Variants in EXTL2 observed in about 807,000 individuals in gnomAD.
EXTL2 encodes exostosin like glycosyltransferase 2, also known as exostosin-like 2.
EXTL2 carries 23 observed loss-of-function variants against 30.7 expected under a neutral mutation model. The ratio of observed to expected loss-of-function variants is 0.75; its 90% CI spans 0.54 to 1.06. The LOEUF is 1.06. EXTL2 is among the 50% of genes least tolerant of loss of function. EXTL2 has a pLI of 0.00. For missense variants in EXTL2, 352 were observed against 396.3 expected (o/e 0.89, Z 0.95); for synonymous variants, 123 against 133.8 (o/e 0.92, Z 0.56).
At position 100,888,797 on chromosome 1, in the gene EXTL2, T is replaced by C; in HGVS notation, c.-40A>G. On this transcript the variant is annotated 5_prime_UTR_variant, in exon 2 of 5. It removes the in-frame stop codon of an upstream open reading frame in the 5' UTR. Transcript: ENST00000370114. ...ATTTTTAAAAAATCTCCTTATAGCT[T>C]CAGTAATTGACAGAAGCAGGCTCAC... 6 of 1,520,084 alleles carry C rather than the reference T, an allele frequency of 3.9e-6. No homozygotes were observed. The highest frequency in any genetic ancestry group is 5.4e-6 in the Non-Finnish European group (6 of 1,112,558). 94.2% of individuals were successfully genotyped at this position (1,520,084 alleles called of 1,614,324 possible). A position where few individuals can be genotyped will look rare whatever the true frequency, so the allele number is the denominator to read the frequency against.
At chr1:100,886,468 A>G (rs1649979926) in intron 2 of EXTL2, among the ~76,000 whole-genome samples, 1 of 152,222 alleles carries the variant, frequency 6.6e-6, no homozygotes. Context: ...TGAAAATGGG[A>G]TATCAGGCAT....
chr1:100,885,137 C>T (rs1649860587), intron 2 of EXTL2, among the ~76,000 whole-genome samples: 1 of 152,256 alleles, frequency 6.6e-6, no homozygotes, highest in African/African-American at 2.4e-5. Flanking sequence ...TGACCTCAAA[C>T]ACAGACCACA....
At chr1:100,880,198 C>A (rs1415833042) in intron 2 of EXTL2, among the ~76,000 whole-genome samples, 2 of 152,054 alleles carry the variant, frequency 1.3e-5, no homozygotes, top group Non-Finnish European at 2.9e-5. Context: ...CAAAGAAGGA[C>A]AAGAGCATAC....
Position 100,874,011 on chromosome 1 carries a change from G to C in EXTL2, c.924C>G (p.Pro308=), listed in dbSNP as rs191454025. The C allele has an allele frequency of 6.2e-7, 1 of 1,612,144 alleles. No individual in the cohort carries two copies. The highest frequency in any genetic ancestry group is 8.5e-7 in the Non-Finnish European group (1 of 1,179,120). ...NKLVNIYDSM[P]LRYSNIMISQ... is the part of the protein sequence containing the mutation. ...AAATCATAATGTTGGAGTATCTTAA[G>C]GGCATGCTATCATAGATATTAACAA... Residue 308 remains proline, a synonymous_variant, in exon 5 of 5, where the codon CCC becomes CCG. Coordinates refer to ENST00000370114, the MANE Select transcript of EXTL2 (RefSeq NM_001033025.3).
At chr1:100,878,826 G>A (rs575465297) in intron 2 of EXTL2, among the ~76,000 whole-genome samples, 7 of 152,118 alleles carry the variant, frequency 4.6e-5, no homozygotes, top group Admixed American at 6.5e-5. Flanking sequence ...AATCTGCCCC[G>A]AGAGCCTAGG....
At position 100,877,791 on chromosome 1, in the gene EXTL2, G is replaced by T; in HGVS notation, c.118C>A (p.Leu40Ile). Reference protein sequence around the residue: ...LLVAGALTALLPSVKEDKMLM... With the variant: ...LLVAGALTALIPSVKEDKMLM... Reference sequence around the variant, plus strand: ...ATCTTGTCTTCTTTAACACTGGGAAGTAAGGCAGTCAAAGCACCAGCTACC... The same window carrying T: ...ATCTTGTCTTCTTTAACACTGGGAATTAAGGCAGTCAAAGCACCAGCTACC... The change falls in exon 3 of 5, where the codon CTT becomes ATT. Residue 40 changes from leucine to isoleucine, a missense_variant. Leu to Ile is a conservative substitution (Grantham distance 5). Coordinates refer to ENST00000370114, the MANE Select transcript of EXTL2 (RefSeq NM_001033025.3). This position sits in a 1 kb window ranked among gnomAD's most constrained non-coding sequence, Gnocchi z 4.1. The T allele has an allele frequency of 6.2e-7, 1 of 1,610,846 alleles. No individual in the cohort carries two copies. The highest frequency in any genetic ancestry group is 8.5e-7 in the Non-Finnish European group (1 of 1,179,628).
intron 2 of EXTL2, 65 bp downstream of exon 2, chr1:100,888,688 G>A (rs1206668759): frequency 1.2e-6 from 1 of 854,552 alleles, no homozygotes; most frequent in Non-Finnish European, 1.9e-6. Context: ...CCGTTAAGGT[G>A]ATAAATTTTG....
In EXTL2 at chr1:100,877,315, A is replaced by T. The variant is rs886304204; in HGVS notation, c.433+161T>A. Among the ~76,000 whole-genome samples, 1 of 152,134 alleles carries T rather than the reference A, an allele frequency of 6.6e-6. No individual in the cohort carries two copies. The highest frequency in any genetic ancestry group is 2.4e-5 in the African/African-American group (1 of 41,436). ...CTCTTCGCCAGGAAACCACTTCTTG[A>T]CATCTTGGAAATTGTCCCTCAAGCT... On this transcript the variant is annotated intron_variant, in intron 3 of 4. Coordinates refer to ENST00000370114, the MANE Select transcript of EXTL2 (RefSeq NM_001033025.3). The surrounding 1 kb of genome is among the most constrained non-coding windows in gnomAD (Gnocchi z 4.1).
Position 100,874,390 on chromosome 1 carries a change from T to G in EXTL2, c.545A>C (p.His182Pro), listed in dbSNP as rs756123522. Residue 182 changes from histidine (H) to proline (P), a missense_variant, in exon 5 of 5, where the codon CAC becomes CCC. Coordinates refer to ENST00000370114, the MANE Select transcript of EXTL2 (RefSeq NM_001033025.3). Reference sequence around the variant, plus strand: ...GTAGATACCTGATGAAGTAGAGACGTGCTTTCTAGGAACAAATCCTACAAT... The same window carrying G: ...GTAGATACCTGATGAAGTAGAGACGGGCTTTCTAGGAACAAATCCTACAAT... ...DQIVGFVPRK[H>P]VSTSSGIYSY... 1.9e-6 allele frequency: 3 copies of G among 1,606,572 alleles called. No homozygotes were observed. Among genetic ancestry groups the G allele is most frequent in the Non-Finnish European group, 2.5e-6 (3 of 1,176,570 alleles).
intron 2 of EXTL2, among the ~76,000 whole-genome samples, chr1:100,879,876 A>G (rs1248908870): frequency 6.6e-6 from 1 of 152,192 alleles, no homozygotes; most frequent in Non-Finnish European, 1.5e-5. Context: ...AAGCTAGGCC[A>G]TCATTCCATA....
intron 2 of EXTL2, chr1:100,885,579 T>C (rs1048434882): frequency 1.2e-4 from 18 of 152,238 alleles, no homozygotes; most frequent in Admixed American, 1.0e-3. Context: ...TTGCCCATGG[T>C]AAGCTTCTTC....
chr1:100,883,611 C>G (rs1649736690), intron 2 of EXTL2, among the ~76,000 whole-genome samples: 1 of 152,078 alleles, frequency 6.6e-6, no homozygotes, highest in Non-Finnish European at 1.5e-5. Flanking sequence ...AGTAACATTC[C>G]ATTCTATGGA....
chr1:100,895,138 T>C (rs540714761), upstream of EXTL2: 18 of 152,386 alleles, frequency 1.2e-4, no homozygotes, highest in African/African-American at 3.6e-4. Flanking sequence ...GGCCAGCTTC[T>C]GCCTGCACGT....
chr1:100,887,973 C>A (rs1211945836), intron 2 of EXTL2, among the ~76,000 whole-genome samples: 2 of 152,236 alleles, frequency 1.3e-5, no homozygotes, highest in Non-Finnish European at 2.9e-5. Context: ...GTTGGAATTA[C>A]AGGCGTGAGC....
chr1:100,893,692 C>T (rs1650611571), intron 1 of EXTL2, among the ~76,000 whole-genome samples: 1 of 152,206 alleles, frequency 6.6e-6, no homozygotes, highest in African/African-American at 2.4e-5. Context: ...GAGGCACAGC[C>T]TGACGTTTTT....
In EXTL2 at chr1:100,874,374, T is replaced by G. The variant is rs1648936215; in HGVS notation, c.561A>C (p.Ser187=). 6.2e-7 allele frequency: 1 copy of G among 1,611,374 alleles called. No individual in the cohort carries two copies. The highest frequency in any genetic ancestry group is 8.5e-7 in the Non-Finnish European group (1 of 1,178,480). Residue 187 remains serine, a synonymous_variant, in exon 5 of 5, where the codon TCA becomes TCC. Coordinates refer to ENST00000370114, the MANE Select transcript of EXTL2 (RefSeq NM_001033025.3). ...FVPRKHVSTS[S]GIYSYGSFEM... ...CAAAACTTCCATAACTGTAGATACC[T>G]GATGAAGTAGAGACGTGCTTTCTAG...
At chr1:100,890,298 A>C (rs1650320700) in intron 1 of EXTL2, among the ~76,000 whole-genome samples, 2 of 152,190 alleles carry the variant, frequency 1.3e-5, no homozygotes. Flanking sequence ...GGCTGCACAG[A>C]GTAGGAGTAG....
At chr1:100,874,451 C>A (rs1450544868) in intron 4 of EXTL2, 21 bp from the exon 5 acceptor site, 1 of 1,543,110 alleles carries the variant, frequency 6.5e-7, no homozygotes, top group Non-Finnish European at 8.7e-7. Flanking sequence ...GGAAAAAGAA[C>A]AATAAAATGT....
intron 2 of EXTL2, among the ~76,000 whole-genome samples, chr1:100,887,178 GTTCTATAGAACCCT>G (rs1007424103): frequency 6.6e-6 from 1 of 152,130 alleles, no homozygotes; most frequent in Admixed American, 6.5e-5. Context: ...TCCCTGTTCT[GTTCTATAGAACCCT>G]TTCTCTTTTA....
Sources: allele counts gnomAD v4.1 joint callset (sites outside exome capture counted in the v4.1 genomes callset), GRCh38; gene constraint gnomAD v4.1.1; non-coding constraint Gnocchi (gnomAD v3.1); transcripts MANE v1.5; gene names NCBI Gene and HGNC (gene_info 2026-07-23, HGNC 2026-07-21).